The following CYFIP1 variants were observed in gnomAD, a reference collection of about 807,000 sequenced individuals.
CYFIP1 encodes cytoplasmic FMR1 interacting protein 1.
In CYFIP1, 58 loss-of-function variants were observed where a neutral mutation model predicts 163.5. The ratio of observed to expected loss-of-function variants is 0.35; its 90% CI spans 0.29 to 0.44. The LOEUF (loss-of-function observed/expected upper bound fraction) is 0.44. CYFIP1 is among the 20% of genes least tolerant of loss of function. The probability of loss-of-function intolerance (pLI) is 1.00; values close to 1 mark genes in which losing one functional copy is unlikely to be tolerated. For missense variants in CYFIP1, 1,338 were observed against 1,653.8 expected (o/e 0.81, Z 3.31); for synonymous variants, 663 against 660.7 (o/e 1.00, Z -0.05).
intron 29 of CYFIP1, among the ~76,000 whole-genome samples, chr15:22,873,270 T>C (rs1220662101): frequency 6.6e-6 from 1 of 152,132 alleles, no homozygotes; most frequent in African/African-American, 2.4e-5. Context: ...CCAACGTGCA[T>C]ACAATTGCCG....
rs746433645 is a variant in CYFIP1 at position 22,879,854 on chromosome 15, C to CGGTGG, written c.3042+54_3042+58dup. 8.9e-5 allele frequency: 100 copies of CGGTGG among 1,119,970 alleles called. 1 individual carries two copies. Among genetic ancestry groups the CGGTGG allele is most frequent in the Middle Eastern group, 6.6e-4 (2 of 3,046 alleles). 69.4% of individuals were successfully genotyped at this position (1,119,970 alleles called of 1,614,324 possible). A position where few individuals can be genotyped will look rare whatever the true frequency, so the allele number is the denominator to read the frequency against. ...CCGCCAAAGAAAGCCCTCCCCTGGC[C>CGGTGG]GGTGGGGTGGGGTGGGGTGGGCTGG... On this transcript the variant is annotated intron_variant, in intron 26 of 30. Coordinates refer to ENST00000617928, the MANE Select transcript of CYFIP1 (RefSeq NM_014608.6).
At chr15:22,910,049 C>CA (rs1281346038) in intron 20 of CYFIP1, among the ~76,000 whole-genome samples, 1 of 152,136 alleles carries the variant, frequency 6.6e-6, no homozygotes, top group African/African-American at 2.4e-5. Context: ...TGTGAGGTGA[C>CA]CCAATAGAAA....
intron 1 of CYFIP1, among the ~76,000 whole-genome samples, chr15:22,963,635 C>T (rs1289159285): frequency 1.3e-5 from 2 of 152,110 alleles, no homozygotes; most frequent in Non-Finnish European, 2.9e-5. Flanking sequence ...AACAGACTTG[C>T]CCCGACTCTT....
intron 23 of CYFIP1, among the ~76,000 whole-genome samples, chr15:22,889,220 TTC>T (rs560173860): frequency 7.2e-4 from 109 of 152,066 alleles, no homozygotes; most frequent in African/African-American, 2.2e-3. Flanking sequence ...CATCAAATCT[TTC>T]TTTCTCTCCA....
intron 22 of CYFIP1, among the ~76,000 whole-genome samples, chr15:22,899,509 C>G (rs2060332309): frequency 6.6e-6 from 1 of 151,166 alleles, no homozygotes; most frequent in African/African-American, 2.4e-5. Flanking sequence ...GTGAGTGAGT[C>G]TCATGACATC....
chr15:22,926,315 C>T (rs1408006573), intron 12 of CYFIP1, among the ~76,000 whole-genome samples: 1 of 152,118 alleles, frequency 6.6e-6, no homozygotes, highest in African/African-American at 2.4e-5. Context: ...AAAATCTACC[C>T]GGCAAAATGG....
intron 13 of CYFIP1, among the ~76,000 whole-genome samples, chr15:22,920,183 G>C (rs1335857108): frequency 1.0e-4 from 2 of 19,478 alleles, no homozygotes; most frequent in African/African-American, 4.2e-4. Flanking sequence ...TTTTTTTTTT[G>C]AGACAGGGTC....
intron 13 of CYFIP1, among the ~76,000 whole-genome samples, chr15:22,919,557 A>G (rs956169308): frequency 5.9e-5 from 9 of 152,218 alleles, no homozygotes; most frequent in African/African-American, 2.2e-4. Flanking sequence ...TGAAAGCAGC[A>G]AGTGAGGCAG....
chr15:22,949,288 C>A (rs924890263), intron 1 of CYFIP1, among the ~76,000 whole-genome samples: 3 of 81,488 alleles, frequency 3.7e-5, no homozygotes, highest in African/African-American at 1.4e-4. Flanking sequence ...GGGGACCAGG[C>A]GGGCCGGAAG....
chr15:22,913,704 C>G (rs2060873048), intron 17 of CYFIP1, among the ~76,000 whole-genome samples: 1 of 151,018 alleles, frequency 6.6e-6, no homozygotes, highest in Non-Finnish European at 1.5e-5. Flanking sequence ...AGGCCCGTCT[C>G]CCACTACCTC....
At chr15:22,965,080 A>C (rs1360867431) in intron 1 of CYFIP1, among the ~76,000 whole-genome samples, 3 of 151,918 alleles carry the variant, frequency 2.0e-5, no homozygotes, top group Non-Finnish European at 2.9e-5. Flanking sequence ...GTACACATAT[A>C]TTAATAAACA....
At chr15:22,918,899 T>C (rs2142119488) in intron 13 of CYFIP1, 41 bp from the exon 14 acceptor site, 1 of 1,514,030 alleles carries the variant, frequency 6.6e-7, no homozygotes, top group Non-Finnish European at 9.0e-7. Context: ...TTCTTAGGGA[T>C]GGCACCAAGC....
rs941361284 is a variant in CYFIP1, at chr15:22,916,537, A to G, written c.1768T>C (p.Leu590=). The change falls in exon 16 of 31, where the codon TTG becomes CTG. Residue 590 remains leucine, a synonymous_variant. Transcript: ENST00000617928. Reference sequence around the variant, plus strand: ...TCTCGATGAAATTTTTCTATGTCCAATATGGTGGGCCCCTCAAGGCTACTT... The same window carrying G: ...TCTCGATGAAATTTTTCTATGTCCAGTATGGTGGGCCCCTCAAGGCTACTT... ...LRSSLEGPTI[L]DIEKFHRESF... 6.2e-7 allele frequency: 1 copy of G among 1,614,122 alleles called. No homozygotes were observed. The highest frequency in any genetic ancestry group is 1.3e-5 in the African/African-American group (1 of 75,038).
intron 8 of CYFIP1, among the ~76,000 whole-genome samples, chr15:22,937,621 T>G (rs1282373375): frequency 1.4e-5 from 2 of 143,990 alleles, no homozygotes; most frequent in African/African-American, 5.0e-5. Context: ...TTTTTTGAGA[T>G]GGAGTCTGGC....
chr15:22,964,578 C>T (rs1179831651), intron 1 of CYFIP1, among the ~76,000 whole-genome samples: 1 of 152,066 alleles, frequency 6.6e-6, no homozygotes, highest in Admixed American at 6.6e-5. Context: ...CAAGTGCAGC[C>T]GGCGAAGATG....
At chr15:22,897,991 C>CA (rs1419592938) in intron 22 of CYFIP1, among the ~76,000 whole-genome samples, 1 of 152,180 alleles carries the variant, frequency 6.6e-6, no homozygotes, top group African/African-American at 2.4e-5. Context: ...CCAGCTGCCT[C>CA]AGCTTCCCCA....
intron 13 of CYFIP1, among the ~76,000 whole-genome samples, chr15:22,921,995 A>T (rs374264766): frequency 1.4e-4 from 21 of 152,278 alleles, no homozygotes; most frequent in African/African-American, 4.8e-4. Context: ...TAGTACTGAC[A>T]ACTGTATCTG....
chr15:22,932,430 G>A (rs1222016691), intron 10 of CYFIP1, 90 bp from the exon 11 acceptor site: 2 of 781,018 alleles, frequency 2.6e-6, no homozygotes, highest in Non-Finnish European at 3.9e-6. Context: ...TGGCACCAGA[G>A]CCACACAAAT....
chr15:22,941,610 C>T (rs1206156336), intron 6 of CYFIP1, among the ~76,000 whole-genome samples: 1 of 151,822 alleles, frequency 6.6e-6, no homozygotes, highest in African/African-American at 2.4e-5. Context: ...CAACAGGGGT[C>T]CCAGATAGAG....
Sources: gnomAD v4.1 joint callset for allele counts (sites outside exome capture counted in the v4.1 genomes callset) on GRCh38, gnomAD v4.1.1 for gene constraint, MANE v1.5 for transcripts, NCBI Gene and HGNC (gene_info 2026-07-23, HGNC 2026-07-21) for gene names.